SPIDR: variants seen among roughly 807,000 people sequenced by gnomAD.
SPIDR encodes the protein DNA repair-scaffolding protein.
Under a neutral mutation model 104.6 loss-of-function variants are expected in SPIDR, and 93 were observed. The observed-to-expected ratio is 0.89, with a 90% CI of 0.75 to 1.06. SPIDR has a LOEUF of 1.06. Ranked by LOEUF, SPIDR falls within the 50% of genes least tolerant of loss-of-function variation. The probability of loss-of-function intolerance (pLI) is 0.00; values close to 1 mark genes in which losing one functional copy is unlikely to be tolerated. For synonymous variants in SPIDR, 431 were observed against 416.9 expected (o/e 1.03, Z -0.41); for missense variants, 1,154 against 1,111.2 (o/e 1.04, Z -0.55).
intron 8 of SPIDR, among the ~76,000 whole-genome samples, chr8:47,487,442 TCAA>T (rs1229505484): frequency 3.9e-4 from 59 of 152,210 alleles, no homozygotes; most frequent in Admixed American, 1.1e-3. Flanking sequence ...ATTAGACAGA[TCAA>T]CGAGACAGAA....
rs572376239 is a variant in SPIDR at position 47,447,299 on chromosome 8, C to T, written c.1097+6757C>T. On this transcript the variant is annotated intron_variant, in intron 8 of 19. Coordinates refer to ENST00000297423, the MANE Select transcript of SPIDR (RefSeq NM_001080394.4). ...CACAGTCTCGGCTCACTGCAACCTC[C>T]GCCTCCCGGGCTCAAGCATTTCTTC... Among the ~76,000 whole-genome samples, 44 of 152,268 alleles carry T rather than the reference C, an allele frequency of 2.9e-4. No individual in the cohort carries two copies. In the South Asian group the frequency reaches 7.3e-3, roughly 25 times the overall value.
At chr8:47,569,490 T>C (rs982141474) in intron 8 of SPIDR, among the ~76,000 whole-genome samples, 1 of 152,178 alleles carries the variant, frequency 6.6e-6, no homozygotes, top group Non-Finnish European at 1.5e-5. Context: ...TGGAACATTT[T>C]CCAGGATAGA....
chr8:47,269,274 C>G (rs1476596039), intron 1 of SPIDR, among the ~76,000 whole-genome samples: 2 of 150,782 alleles, frequency 1.3e-5, no homozygotes, highest in Non-Finnish European at 3.0e-5. Context: ...TTTTTTCCCC[C>G]CAAGACAGAA....
chr8:47,445,536 A>G (rs1355756243), intron 8 of SPIDR, among the ~76,000 whole-genome samples: 3 of 152,206 alleles, frequency 2.0e-5, no homozygotes, highest in Admixed American at 6.5e-5. Flanking sequence ...CTAAGTGTTC[A>G]CATGAAAGGA....
intron 8 of SPIDR, among the ~76,000 whole-genome samples, chr8:47,494,445 T>C (rs1315010922): frequency 6.6e-6 from 1 of 152,108 alleles, no homozygotes; most frequent in Non-Finnish European, 1.5e-5. Context: ...ACAGTGTCAA[T>C]GAAAATAGAA....
chr8:47,735,317 T>A lies in SPIDR; in HGVS notation c.2615T>A (p.Val872Glu), dbSNP rs747975115. The A allele has an allele frequency of 6.2e-7, 1 of 1,614,100 alleles. No individual in the cohort carries two copies. Residue 872 changes from valine (V) to glutamate (E), a missense_variant, in exon 20 of 20, where the codon GTG (valine) becomes GAG (glutamate). Val to Glu is a moderately radical substitution (Grantham distance 121, BLOSUM62 -2). Transcript: ENST00000297423. ...CTTTTATCACTGCAGAGCTACGAAG[T>A]GAAGAGTGTCCTCGGAAAGGAAGTG... ...FAAGEDGSYEVKSVLGKEVGL... is the reference protein window; with the variant it reads ...FAAGEDGSYEEKSVLGKEVGL...
intron 8 of SPIDR, among the ~76,000 whole-genome samples, chr8:47,562,888 C>T (rs2057255895): frequency 6.6e-6 from 1 of 152,124 alleles, no homozygotes; most frequent in African/African-American, 2.4e-5. Context: ...TTCAGTCTAG[C>T]CTTTATCTCT....
chr8:47,540,918 G>A (rs2087981957), intron 8 of SPIDR, among the ~76,000 whole-genome samples: 4 of 152,196 alleles, frequency 2.6e-5, no homozygotes, highest in Admixed American at 2.6e-4. Context: ...GGAGTGCAGT[G>A]GCGCGGTCTC....
At chr8:47,547,136 G>A (rs186733743) in intron 8 of SPIDR, 149 of 592,796 alleles carry the variant, frequency 2.5e-4, no homozygotes, top group African/African-American at 2.5e-3. Context: ...CCTTGATGGA[G>A]GGGATCAGGG....
intron 3 of SPIDR, among the ~76,000 whole-genome samples, chr8:47,288,767 T>C (rs1222015726): frequency 6.6e-6 from 1 of 152,268 alleles, no homozygotes; most frequent in African/African-American, 2.4e-5. Flanking sequence ...TCTAGATGTT[T>C]GTGGCACAAA....
intron 8 of SPIDR, among the ~76,000 whole-genome samples, chr8:47,446,153 C>G (rs770683404): frequency 9.2e-5 from 14 of 152,182 alleles, no homozygotes; most frequent in Non-Finnish European, 1.8e-4. Flanking sequence ...AAAGTCAATG[C>G]CTGGCTTCAA....
chr8:47,686,360 T>G (rs2077824550), intron 11 of SPIDR, among the ~76,000 whole-genome samples: 1 of 152,218 alleles, frequency 6.6e-6, no homozygotes, highest in Admixed American at 6.5e-5. Flanking sequence ...AAATATGCTA[T>G]TATTAGCTGA....
chr8:47,312,155 T>A, intron 5 of SPIDR, among the ~76,000 whole-genome samples: 1 of 152,350 alleles, frequency 6.6e-6, no homozygotes, highest in Non-Finnish European at 1.5e-5. Context: ...GTCTTTGCTA[T>A]TGTGAATAGT....
intron 6 of SPIDR, among the ~76,000 whole-genome samples, chr8:47,402,612 A>G (rs920998706): frequency 6.6e-6 from 1 of 152,192 alleles, no homozygotes; most frequent in Non-Finnish European, 1.5e-5. Context: ...GAAGAAATGG[A>G]TAAATTCCAG....
At chr8:47,461,404 C>T (rs531512937) in intron 8 of SPIDR, among the ~76,000 whole-genome samples, 2 of 152,200 alleles carry the variant, frequency 1.3e-5, no homozygotes, top group South Asian at 2.1e-4. Flanking sequence ...GGCTCACTCC[C>T]GGATTCAAGC....
chr8:47,547,302 C>T, intron 8 of SPIDR: 2 of 567,906 alleles, frequency 3.5e-6, no homozygotes, highest in Non-Finnish European at 7.0e-6. Context: ...GACGAAAATT[C>T]TCTCCCATCT....
chr8:47,590,563 T>G (rs1203665827), intron 8 of SPIDR, among the ~76,000 whole-genome samples: 1 of 152,182 alleles, frequency 6.6e-6, no homozygotes, highest in Non-Finnish European at 1.5e-5. Context: ...TCTTTTAAAT[T>G]TGTTTATATG....
At position 47,269,423 on chromosome 8, in the gene SPIDR, A is replaced by G. The variant is rs976806612; in HGVS notation, c.33+8432A>G. Among the ~76,000 whole-genome samples, 3 of 151,692 alleles carry G rather than the reference A, an allele frequency of 2.0e-5. No homozygotes were observed. In the East Asian group the frequency reaches 5.8e-4, roughly 29 times the overall value. ...GAGGCGTGTGCCACCATGCCTGGCT[A>G]ATTTTTGTATTTTTAGTAGAAACGG... On this transcript the variant is annotated intron_variant, in intron 1 of 19. Transcript: ENST00000297423.
rs1182093291 is a variant in SPIDR, at chr8:47,736,196, C to T, written c.*746C>T. 1.3e-5 allele frequency: 2 copies of T among 152,840 alleles called. No individual in the cohort carries two copies. Among genetic ancestry groups the T allele is most frequent in the African/African-American group, 4.8e-5 (2 of 41,438 alleles). 9.5% of individuals were successfully genotyped at this position (152,840 alleles called of 1,614,324 possible). On this transcript the variant is annotated 3_prime_UTR_variant, in exon 20 of 20. Transcript: ENST00000297423. ...CTTTGGACACTATAAAGATTTTGTT[C>T]CCTTCCTTATAGCAATATAATCATG... is the stretch of plus-strand genomic sequence containing the variant.
Sources: gnomAD v4.1 joint callset for allele counts (sites outside exome capture counted in the v4.1 genomes callset) on GRCh38, gnomAD v4.1.1 for gene constraint, MANE v1.5 for transcripts, NCBI Gene and HGNC (gene_info 2026-07-23, HGNC 2026-07-21) for gene names.